CSGALNACT1: variants seen among roughly 807,000 people sequenced by gnomAD.
CSGALNACT1 encodes the protein beta4GalNAcT-1.
A neutral mutation model predicts 51.0 loss-of-function variants in CSGALNACT1; 52 were observed. The observed-to-expected ratio is 1.02, with a 90% confidence interval of 0.82 to 1.29. The LOEUF (loss-of-function observed/expected upper bound fraction) is 1.29. CSGALNACT1 is among the 50% of genes most tolerant of loss of function. The pLI is 0.00. For missense variants in CSGALNACT1, 935 were observed against 679.2 expected (o/e 1.38, Z -4.19); for synonymous variants, 341 against 254.4 (o/e 1.34, Z -3.24).
intron 1 of CSGALNACT1, among the ~76,000 whole-genome samples, chr8:19,651,905 C>G (rs537851022): frequency 7.5e-4 from 106 of 140,884 alleles, no homozygotes; most frequent in African/African-American, 2.1e-3. Flanking sequence ...TCTCTACAAC[C>G]TCGCTGTCTG....
intron 3 of CSGALNACT1, among the ~76,000 whole-genome samples, chr8:19,570,298 A>C (rs1028443773): frequency 1.2e-4 from 19 of 152,312 alleles, no homozygotes; most frequent in African/African-American, 4.3e-4. Flanking sequence ...AATTATGGGA[A>C]GCCAATTTTC....
At chr8:19,473,114 T>C (rs2068590009) in intron 4 of CSGALNACT1, among the ~76,000 whole-genome samples, 1 of 152,174 alleles carries the variant, frequency 6.6e-6, no homozygotes, top group Non-Finnish European at 1.5e-5. Flanking sequence ...CAGAATGCAA[T>C]TGCTAGTTTT....
intron 1 of CSGALNACT1, among the ~76,000 whole-genome samples, chr8:19,745,063 T>C (rs926122310): frequency 6.6e-6 from 1 of 152,236 alleles, no homozygotes; most frequent in Non-Finnish European, 1.5e-5. Context: ...TTTGTTCCAA[T>C]GCTGGTTCAG....
chr8:19,491,813 C>G (rs988427389), intron 4 of CSGALNACT1, among the ~76,000 whole-genome samples: 3 of 152,214 alleles, frequency 2.0e-5, no homozygotes, highest in Admixed American at 2.0e-4. Context: ...CAACTGATTT[C>G]TAATAAATTC....
At chr8:19,597,173 T>G (rs755796206) in intron 2 of CSGALNACT1, among the ~76,000 whole-genome samples, 4 of 152,188 alleles carry the variant, frequency 2.6e-5, no homozygotes, top group Non-Finnish European at 5.9e-5. Context: ...TGTCAGAATT[T>G]CTCTCCTTTT....
At chr8:19,735,633 A>G (rs2063928463) in intron 1 of CSGALNACT1, among the ~76,000 whole-genome samples, 1 of 152,196 alleles carries the variant, frequency 6.6e-6, no homozygotes, top group Non-Finnish European at 1.5e-5. Flanking sequence ...GAGACTATGA[A>G]GAACTATCAG....
chr8:19,711,583 T>C (rs184233593), intron 1 of CSGALNACT1, among the ~76,000 whole-genome samples: 1 of 152,310 alleles, frequency 6.6e-6, no homozygotes, highest in East Asian at 1.9e-4. Flanking sequence ...AAAATTAATA[T>C]ATTTCAGAAA....
chr8:19,738,257 T>C (rs1457438837), intron 1 of CSGALNACT1, among the ~76,000 whole-genome samples: 1 of 152,090 alleles, frequency 6.6e-6, no homozygotes, highest in Non-Finnish European at 1.5e-5. Flanking sequence ...AATGGGGAAA[T>C]AAGAAAGCAA....
At chr8:19,645,310 G>A (rs2057160648) in intron 1 of CSGALNACT1, among the ~76,000 whole-genome samples, 1 of 152,166 alleles carries the variant, frequency 6.6e-6, no homozygotes, top group South Asian at 2.1e-4. Context: ...ACATAGCCAA[G>A]ACATCCTCTA....
chr8:19,715,041 G>A (rs1007270685), intron 1 of CSGALNACT1, among the ~76,000 whole-genome samples: 1 of 152,142 alleles, frequency 6.6e-6, no homozygotes, highest in African/African-American at 2.4e-5. Context: ...AGAAAAAGAG[G>A]TTTAATTGGA....
chr8:19,505,235 A>G (rs752494972), exon 4 of CSGALNACT1: 1 of 1,614,094 alleles, frequency 6.2e-7, no homozygotes, highest in Non-Finnish European at 8.5e-7. Context: ...AAGGACGGTG[A>G]TTGGGGCTGT....
At chr8:19,409,283 C>T (rs2055090174) in intron 8 of CSGALNACT1, among the ~76,000 whole-genome samples, 1 of 152,202 alleles carries the variant, frequency 6.6e-6, no homozygotes, top group South Asian at 2.1e-4. Context: ...GAAAAGGGCA[C>T]TAGAAGTCCA....
chr8:19,467,911 A>C (rs1474922656), intron 4 of CSGALNACT1, among the ~76,000 whole-genome samples: 1 of 152,198 alleles, frequency 6.6e-6, no homozygotes, highest in Non-Finnish European at 1.5e-5. Context: ...ACTTAAACCC[A>C]GGAGTTGGAG....
chr8:19,458,983 GTTT>G (rs949741120), intron 4 of CSGALNACT1, among the ~76,000 whole-genome samples: 1 of 152,082 alleles, frequency 6.6e-6, no homozygotes, highest in Non-Finnish European at 1.5e-5. Context: ...GGGATTATGT[GTTT>G]TTTTCTTTTC....
chr8:19,458,487 T>G (rs750771269), exon 5 of CSGALNACT1: 4 of 1,614,184 alleles, frequency 2.5e-6, no homozygotes, highest in Non-Finnish European at 2.5e-6. Flanking sequence ...ACGATAACAT[T>G]GATAAGCGTG....
At chr8:19,676,061 C>T (rs966910407) in intron 1 of CSGALNACT1, among the ~76,000 whole-genome samples, 1 of 134,730 alleles carries the variant, frequency 7.4e-6, no homozygotes, top group South Asian at 2.5e-4. Flanking sequence ...AACCTAACCA[C>T]GATGGATGGT....
chr8:19,430,978 T>C (rs1056465187), intron 6 of CSGALNACT1, among the ~76,000 whole-genome samples: 2 of 152,190 alleles, frequency 1.3e-5, no homozygotes, highest in African/African-American at 4.8e-5. Flanking sequence ...CATTTTCAGA[T>C]TGTTTATTGC....
chr8:19,600,975 G>GA (rs1020205104), intron 2 of CSGALNACT1, among the ~76,000 whole-genome samples: 99 of 146,530 alleles, frequency 6.8e-4, no homozygotes, highest in African/African-American at 1.4e-3. Flanking sequence ...ATTACTTCTA[G>GA]AAAAAAAAAA....
At chr8:19,405,755 T>A in exon 10 of CSGALNACT1, 1 of 1,613,876 alleles carries the variant, frequency 6.2e-7, no homozygotes, top group Non-Finnish European at 8.5e-7. Context: ...AGAAAAAGTG[T>A]CTCCCACAAT....
Sources: gnomAD v4.1 joint callset for allele counts (sites outside exome capture counted in the v4.1 genomes callset) on GRCh38, gnomAD v4.1.1 for gene constraint, MANE v1.5 for transcripts, NCBI Gene and HGNC (gene_info 2026-07-23, HGNC 2026-07-21) for gene names.